SAMD8: variants seen among roughly 807,000 people sequenced by gnomAD.
SAMD8 encodes sphingomyelin synthase-related protein 1.
A neutral mutation model predicts 42.0 loss-of-function variants in SAMD8; 20 were observed. That is an observed-to-expected ratio of 0.48 (90% confidence interval 0.34 to 0.69). The LOEUF is 0.69. Among genes scored for constraint, SAMD8 ranks in the 30% least tolerant of loss-of-function variants. The pLI, the probability that SAMD8 is intolerant of heterozygous loss-of-function variation, is 0.01. For missense variants in SAMD8, 328 were observed against 511.6 expected, an observed-to-expected ratio of 0.64 and a Z score of 3.46; for synonymous variants, 162 against 173.0, an observed-to-expected ratio of 0.94 and a Z score of 0.50.
intron 2 of SAMD8, among the ~76,000 whole-genome samples, chr10:75,162,151 C>T (rs1407891960): frequency 1.3e-5 from 2 of 152,000 alleles, no homozygotes; most frequent in Non-Finnish European, 2.9e-5. Context: ...GTGAGGTCAG[C>T]AGTTTGAGAC....
intron 2 of SAMD8, among the ~76,000 whole-genome samples, chr10:75,162,229 G>A (rs1303823425): frequency 6.6e-6 from 1 of 152,100 alleles, no homozygotes; most frequent in Non-Finnish European, 1.5e-5. Flanking sequence ...CGTGGTGGTG[G>A]GCACCTGTAA....
At chr10:75,122,112 C>A (rs1234602067) in intron 1 of SAMD8, among the ~76,000 whole-genome samples, 1 of 151,934 alleles carries the variant, frequency 6.6e-6, no homozygotes, top group East Asian at 1.9e-4. Context: ...CTTAAAAAAA[C>A]CTTTTCTCTC....
At chr10:75,108,865 G>C (rs1023921142), upstream of SAMD8, 7 of 1,092,160 alleles carry the variant, frequency 6.4e-6, no homozygotes, top group South Asian at 3.7e-5. Flanking sequence ...CAGCACCCCC[G>C]GGGGTCCTGG....
chr10:75,105,710 A>C (rs1393578900), intron 1 of SAMD8: 1 of 1,552,824 alleles, frequency 6.4e-7, no homozygotes, highest in Non-Finnish European at 8.7e-7. Flanking sequence ...TCCAGCCTGC[A>C]GAGCTGGTGC....
At chr10:75,103,866 C>A in intron 1 of SAMD8, 2 of 1,289,702 alleles carry the variant, frequency 1.6e-6, no homozygotes, top group Non-Finnish European at 2.0e-6. Flanking sequence ...AGCCTGAGGG[C>A]TTGGCTGAGA....
rs904186339 is a variant in SAMD8, at chr10:75,181,955, T to A, written c.*5263T>A. On this transcript the variant is annotated 3_prime_UTR_variant, in exon 6 of 6. Coordinates refer to ENST00000542569, the MANE Select transcript of SAMD8 (RefSeq NM_001174156.2). Reference sequence around the variant, plus strand: ...TATCCACAGAGAAACTAGTATTACTTGAAGATGTGAAAGTTCCTGTGGTAG... The same window carrying A: ...TATCCACAGAGAAACTAGTATTACTAGAAGATGTGAAAGTTCCTGTGGTAG... 5.9e-5 allele frequency: 9 copies of A among 152,192 alleles called. No homozygotes were observed. Among genetic ancestry groups the A allele is most frequent in the Admixed American group, 2.0e-4 (3 of 15,276 alleles). The allele number at this position is 152,192 out of a possible 1,614,324, so 9.4% of individuals were successfully genotyped here.
intron 2 of SAMD8, among the ~76,000 whole-genome samples, chr10:75,159,227 T>G (rs1840500874): frequency 6.6e-6 from 1 of 151,842 alleles, no homozygotes; most frequent in Admixed American, 6.6e-5. Flanking sequence ...CCAGCTAATT[T>G]TTGTATTTTT....
chr10:75,121,315 T>G (rs1848999693), intron 1 of SAMD8, among the ~76,000 whole-genome samples: 1 of 152,162 alleles, frequency 6.6e-6, no homozygotes, highest in Non-Finnish European at 1.5e-5. Flanking sequence ...ACTCTTTACT[T>G]TCTGGGCTGT....
At position 75,176,039 on chromosome 10, in the gene SAMD8, G is replaced by A. The variant is rs1306690577; in HGVS notation, c.793-27G>A. The A allele has an allele frequency of 3.1e-6, 5 of 1,600,230 alleles. No homozygotes were observed. The highest frequency in any genetic ancestry group is 4.3e-6 in the Non-Finnish European group (5 of 1,172,634). On this transcript the variant is annotated intron_variant, in intron 4 of 5. Coordinates refer to ENST00000542569, the MANE Select transcript of SAMD8 (RefSeq NM_001174156.2). The surrounding 1 kb of genome is among the most constrained non-coding windows in gnomAD (Gnocchi z 4.3). Reference sequence around the variant, plus strand: ...GTTCCCACCTCCCTAAGCATTTGAAGCACTAATTCATAACTTTTCTTCATA... The same window carrying A: ...GTTCCCACCTCCCTAAGCATTTGAAACACTAATTCATAACTTTTCTTCATA...
chr10:75,159,063 C>CTCTTTTT (rs1554862367), intron 2 of SAMD8, among the ~76,000 whole-genome samples: 1 of 133,466 alleles, frequency 7.5e-6, no homozygotes, highest in Non-Finnish European at 1.6e-5. Flanking sequence ...TTTTCTTTTT[C>CTCTTTTT]TTTTTTTTTT....
At chr10:75,138,248 C>T (rs1486163359) in intron 1 of SAMD8, among the ~76,000 whole-genome samples, 1 of 152,144 alleles carries the variant, frequency 6.6e-6, no homozygotes, top group Non-Finnish European at 1.5e-5. Context: ...CTGAGTGCTG[C>T]TTCATCATAT....
upstream of SAMD8, among the ~76,000 whole-genome samples, chr10:75,108,602 G>T (rs907964149): frequency 6.6e-6 from 1 of 152,104 alleles, no homozygotes; most frequent in Non-Finnish European, 1.5e-5. Context: ...ATGTTTAGAG[G>T]CAACACCTTC....
chr10:75,151,505 C>T (rs1589961312), intron 2 of SAMD8, among the ~76,000 whole-genome samples: 2 of 152,040 alleles, frequency 1.3e-5, no homozygotes, highest in East Asian at 1.9e-4. Flanking sequence ...AGACATGTTC[C>T]ACCATGCCCA....
intron 1 of SAMD8, among the ~76,000 whole-genome samples, chr10:75,130,346 A>C (rs1401180247): frequency 6.6e-6 from 1 of 152,010 alleles, no homozygotes; most frequent in Non-Finnish European, 1.5e-5. Context: ...TACTAAAAAT[A>C]CAAAAAAAAA....
chr10:75,108,572 T>C (rs1384440200), upstream of SAMD8, among the ~76,000 whole-genome samples: 1 of 152,130 alleles, frequency 6.6e-6, no homozygotes, highest in African/African-American at 2.4e-5. Context: ...TACCACCTCA[T>C]ACCTGCTTCT....
At chr10:75,170,926 A>AT (rs925355234) in intron 4 of SAMD8, among the ~76,000 whole-genome samples, 51 of 150,790 alleles carry the variant, frequency 3.4e-4, no homozygotes, top group African/African-American at 1.1e-3. Flanking sequence ...ACACCTGGCT[A>AT]TTTTTTGTAT....
In SAMD8 at chr10:75,162,163, G is replaced by A. The variant is rs189048573; in HGVS notation, c.579-2482G>A. 5.4e-3 allele frequency among the ~76,000 whole-genome samples: 826 copies of A among 151,874 alleles called. 5 individuals carry two copies. The highest frequency in any genetic ancestry group is 0.019 in the African/African-American group (783 of 41,416). ...CACGTGAGGTCAGCAGTTTGAGACC[G>A]GCCTAGCCAACATTGTGAAACGCTT... is the stretch of plus-strand genomic sequence containing the variant. On this transcript the variant is annotated intron_variant, in intron 2 of 5. Transcript: ENST00000542569.
intron 1 of SAMD8, among the ~76,000 whole-genome samples, chr10:75,104,986 C>T (rs1446937794): frequency 6.6e-6 from 1 of 152,066 alleles, no homozygotes; most frequent in Non-Finnish European, 1.5e-5. Flanking sequence ...AGGCCAGTCA[C>T]CCACCCCCAA....
At chr10:75,134,942 TC>T (rs1490576244) in intron 1 of SAMD8, among the ~76,000 whole-genome samples, 3 of 151,928 alleles carry the variant, frequency 2.0e-5, no homozygotes, top group South Asian at 2.1e-4. Flanking sequence ...ATGCCTGTAG[TC>T]CCCGCTACTC....
Sources: allele counts gnomAD v4.1 joint callset (sites outside exome capture counted in the v4.1 genomes callset), GRCh38; gene constraint gnomAD v4.1.1; non-coding constraint Gnocchi (gnomAD v3.1); transcripts MANE v1.5; gene names NCBI Gene and HGNC (gene_info 2026-07-23, HGNC 2026-07-21).